The following BRI3BP variants were observed in gnomAD, a reference collection of about 807,000 sequenced individuals.
The protein encoded by BRI3BP is BRI3 binding protein.
BRI3BP carries 7 observed loss-of-function variants against 15.8 expected under a neutral mutation model. The ratio of observed to expected loss-of-function variants is 0.44; its 90% CI spans 0.25 to 0.83. The LOEUF (loss-of-function observed/expected upper bound fraction) is 0.83. BRI3BP is among the 40% of genes least tolerant of loss of function. The pLI, the probability that BRI3BP is intolerant of heterozygous loss-of-function variation, is 0.20. For missense variants in BRI3BP, 320 were observed against 339.3 expected (o/e 0.94, Z 0.45); for synonymous variants, 192 against 163.5 (o/e 1.17, Z -1.33).
chr12:125,037,313 C>A, the BRI3BP span, among the ~76,000 whole-genome samples: 3 of 152,140 alleles, frequency 2.0e-5, no homozygotes, highest in Admixed American at 6.5e-5. Context: ...CTGCCTTGGC[C>A]TCCCACAGTG....
the BRI3BP span, among the ~76,000 whole-genome samples, chr12:125,037,582 C>T: frequency 4.7e-4 from 70 of 149,456 alleles, 1 homozygote; most frequent in East Asian, 0.011. Context: ...GAGGCCAAGG[C>T]GGGCAGATCA....
At chr12:125,010,110 AAAAG>A (rs1258583171) in intron 1 of BRI3BP, among the ~76,000 whole-genome samples, 4 of 152,070 alleles carry the variant, frequency 2.6e-5, no homozygotes, top group African/African-American at 7.2e-5. Flanking sequence ...TCAAAAAAAA[AAAAG>A]AAGAAGAATA....
chr12:125,004,000 CACA>C, intron 1 of BRI3BP, among the ~76,000 whole-genome samples: 1 of 15,324 alleles, frequency 6.5e-5, no homozygotes, highest in African/African-American at 6.5e-4. Context: ...CACACACACA[CACA>C]ACACACAATA....
chr12:124,996,774 T>TTC (rs1955044446), intron 1 of BRI3BP, among the ~76,000 whole-genome samples: 2 of 150,520 alleles, frequency 1.3e-5, no homozygotes, highest in African/African-American at 4.9e-5. Context: ...TTTTTTTTTT[T>TTC]CCGAGATGGA....
chr12:125,045,628 G>A, the BRI3BP span, among the ~76,000 whole-genome samples: 2 of 152,096 alleles, frequency 1.3e-5, no homozygotes, highest in Admixed American at 6.5e-5. Flanking sequence ...CGCCCCGCCT[G>A]GCCTCTAAGA....
At chr12:125,003,117 G>A (rs1032323346) in intron 1 of BRI3BP, among the ~76,000 whole-genome samples, 5 of 152,280 alleles carry the variant, frequency 3.3e-5, no homozygotes, top group Middle Eastern at 3.4e-3. Context: ...AGAATCTCCC[G>A]TCCCCTCTCC....
downstream of BRI3BP, among the ~76,000 whole-genome samples, chr12:125,036,100 C>G (rs1284089524): frequency 1.7e-5 from 1 of 59,854 alleles, no homozygotes; most frequent in Non-Finnish European, 4.1e-5. Flanking sequence ...GAGTTTTGCT[C>G]GTCACCAAGG....
chr12:125,025,414 G>C lies in BRI3BP; in HGVS notation c.740G>C (p.Arg247Pro), dbSNP rs750850216. 1.3e-6 allele frequency: 2 copies of C among 1,595,140 alleles called. No individual in the cohort carries two copies. The highest frequency in any genetic ancestry group is 2.7e-5 in the African/African-American group (2 of 74,572). The change falls in exon 3 of 3, where the codon CGC becomes CCC. Residue 247 changes from arginine (R) to proline (P), a missense_variant. Coordinates refer to ENST00000341446, the MANE Select transcript of BRI3BP (RefSeq NM_080626.6). ...RLNRVLESLD[R>P]SKDK ...AACCGGGTGCTCGAGAGCCTGGACC[G>C]CTCCAAGGACAAGTGAAGGTCAGCC... is the stretch of plus-strand genomic sequence containing the variant.
At chr12:125,032,492 G>T (rs1232891710), downstream of BRI3BP, among the ~76,000 whole-genome samples, 1 of 151,742 alleles carries the variant, frequency 6.6e-6, no homozygotes, top group African/African-American at 2.4e-5. Context: ...TTTTGTGGCC[G>T]GGTGCAGTGG....
chr12:125,048,438 G>T, the BRI3BP span, among the ~76,000 whole-genome samples: 1 of 152,092 alleles, frequency 6.6e-6, no homozygotes, highest in African/African-American at 2.4e-5. Flanking sequence ...ATGTTTAGGA[G>T]GGGTAATAAG....
chr12:125,015,444 G>A (rs942893296), intron 2 of BRI3BP, among the ~76,000 whole-genome samples: 3 of 152,116 alleles, frequency 2.0e-5, no homozygotes, highest in Non-Finnish European at 1.5e-5. Flanking sequence ...ACTTTCAGAG[G>A]GAGTGTGGCC....
chr12:125,005,301 T>A (rs934836360), intron 1 of BRI3BP, among the ~76,000 whole-genome samples: 1 of 152,176 alleles, frequency 6.6e-6, no homozygotes, highest in East Asian at 1.9e-4. Context: ...ATGATTTAAG[T>A]CACTTTTAAT....
At chr12:125,002,631 T>C (rs1374117110) in intron 1 of BRI3BP, among the ~76,000 whole-genome samples, 1 of 152,132 alleles carries the variant, frequency 6.6e-6, no homozygotes, top group African/African-American at 2.4e-5. Context: ...TAATTTTTTG[T>C]ATTTTTAGTA....
downstream of BRI3BP, among the ~76,000 whole-genome samples, chr12:125,034,801 A>AC (rs1955431701): frequency 3.3e-5 from 5 of 152,012 alleles, no homozygotes; most frequent in South Asian, 1.0e-3. Context: ...TATTGGCCAG[A>AC]CTAGTCTCGA....
At chr12:125,024,323 C>CCA (rs1555217921) in intron 2 of BRI3BP, among the ~76,000 whole-genome samples, 1 of 151,088 alleles carries the variant, frequency 6.6e-6, no homozygotes, top group Non-Finnish European at 1.5e-5. Flanking sequence ...AATCACCCCC[C>CCA]ACGAGGTTCC....
chr12:125,016,825 CTTTTTTTTTTTTTTTT>C (rs58016016), intron 2 of BRI3BP, among the ~76,000 whole-genome samples: 2 of 39,776 alleles, frequency 5.0e-5, no homozygotes, highest in Admixed American at 7.5e-4. Flanking sequence ...TGCGCCCAGC[CTTTTTTTTTTTTTTTT>C]TTTTTTTTTT....
chr12:125,010,033 C>T (rs901580890), intron 1 of BRI3BP, among the ~76,000 whole-genome samples: 3 of 151,652 alleles, frequency 2.0e-5, no homozygotes, highest in South Asian at 4.2e-4. Flanking sequence ...ACCCAGGAGG[C>T]GAAGGTTGCC....
intron 1 of BRI3BP, among the ~76,000 whole-genome samples, chr12:125,000,995 C>G (rs780099538): frequency 6.6e-6 from 1 of 152,194 alleles, no homozygotes; most frequent in Non-Finnish European, 1.5e-5. Flanking sequence ...GTTCATGTCT[C>G]TAGTCTGTCA....
intron 1 of BRI3BP, among the ~76,000 whole-genome samples, chr12:125,003,182 C>A (rs1012323387): frequency 6.6e-6 from 1 of 152,140 alleles, no homozygotes; most frequent in Non-Finnish European, 1.5e-5. Context: ...CCATAGGACC[C>A]GTTTGCATGT....
Sources: gnomAD v4.1 joint callset for allele counts (sites outside exome capture counted in the v4.1 genomes callset) on GRCh38, gnomAD v4.1.1 for gene constraint, MANE v1.5 for transcripts, NCBI Gene and HGNC (gene_info 2026-07-23, HGNC 2026-07-21) for gene names.